The following HSD17B11 variants were observed in gnomAD, a reference collection of about 807,000 sequenced individuals.
The protein encoded by HSD17B11 is hydroxysteroid 17-beta dehydrogenase 11, also known as estradiol 17-beta-dehydrogenase 11.
A neutral mutation model predicts 27.8 loss-of-function variants in HSD17B11; 22 were observed. That is an observed-to-expected ratio of 0.79 (90% CI 0.56 to 1.13). The LOEUF (loss-of-function observed/expected upper bound fraction) is 1.13, where lower values mean the gene tolerates loss of function less well. Ranked by LOEUF, HSD17B11 falls within the 50% of genes most tolerant of loss-of-function variation. HSD17B11 has a pLI of 0.00. For synonymous variants in HSD17B11, 117 were observed against 132.8 expected (o/e 0.88, Z 0.82); for missense variants, 314 against 351.1 (o/e 0.89, Z 0.84).
chr4:87,363,315 C>G lies in HSD17B11; in HGVS notation c.558-5899G>C, dbSNP rs902416197. Among the ~76,000 whole-genome samples, 4 of 152,148 alleles carry G rather than the reference C, an allele frequency of 2.6e-5. No individual in the cohort carries two copies. In the East Asian group the frequency reaches 7.7e-4, roughly 29 times the overall value. The stretch of plus-strand genomic sequence containing the variant: ...ACAGTTGAATGAATGGAAAAAAAAT[C>G]AGTGTTTATCACCTCTGTAAAGACT... On this transcript the variant is annotated intron_variant, in intron 4 of 6. Transcript: ENST00000358290.
chr4:87,337,856 G>A (rs12649023), intron 6 of HSD17B11, among the ~76,000 whole-genome samples: 130,418 of 152,252 alleles, frequency 0.86, 56,364 homozygotes, highest in African/African-American at 0.96. Context: ...AATTCCTCAC[G>A]TGTAAATGGA....
chr4:87,385,127 T>C (rs962149368), intron 1 of HSD17B11, among the ~76,000 whole-genome samples: 1 of 152,210 alleles, frequency 6.6e-6, no homozygotes, highest in African/African-American at 2.4e-5. Context: ...CTCTTATTCC[T>C]CAAGGGACAT....
intron 4 of HSD17B11, among the ~76,000 whole-genome samples, chr4:87,363,586 C>T (rs996347413): frequency 6.6e-6 from 1 of 152,202 alleles, no homozygotes; most frequent in South Asian, 2.1e-4. Context: ...ACCTTTTAAC[C>T]GCATGGCAGT....
In HSD17B11 at chr4:87,391,097, GTGTT is replaced by G. The variant is rs1560774387; in HGVS notation, c.-31_-28del. Reference sequence around the variant, plus strand: ...CCTTTTGTGGCTGCGAGCGTTTGGTGTGTTTTTTTTTTTTTTTACCACTCTAAAC... The same window carrying G: ...CCTTTTGTGGCTGCGAGCGTTTGGTGTTTTTTTTTTTTTACCACTCTAAAC... On this transcript the variant is annotated 5_prime_UTR_variant, in exon 1 of 7. Transcript: ENST00000358290. The G allele has an allele frequency of 6.9e-7, 1 of 1,449,144 alleles. No homozygotes were observed. The highest frequency in any genetic ancestry group is 1.8e-5 in the African/African-American group (1 of 57,142). The allele number at this position is 1,449,144 out of a possible 1,614,324, so 89.8% of individuals were successfully genotyped here.
intron 1 of HSD17B11, among the ~76,000 whole-genome samples, chr4:87,386,255 T>G (rs1227530246): frequency 1.3e-5 from 2 of 151,468 alleles, no homozygotes; most frequent in African/African-American, 4.9e-5. Flanking sequence ...CAGCCTGGAG[T>G]GCAATGGTGC....
At position 87,353,023 on chromosome 4, in the gene HSD17B11, C is replaced by T. The variant is rs1735315145; in HGVS notation, c.695+4256G>A. Among the ~76,000 whole-genome samples the T allele has an allele frequency of 3.5e-5, 4 of 112,870 alleles. 1 individual carries two copies. The highest frequency in any genetic ancestry group is 1.8e-4 in the African/African-American group (4 of 22,556). The allele number at this position is 112,870 out of a possible 152,430, so 74.0% of individuals were successfully genotyped here. On this transcript the variant is annotated intron_variant, in intron 5 of 6. Transcript: ENST00000358290. ...ACACTGGCCTGCGCCCACTGTCTGG[C>T]ACTCCCTAGTGAGATGAACCCGGTA...
intron 4 of HSD17B11, among the ~76,000 whole-genome samples, chr4:87,367,109 CT>C (rs1360753467): frequency 6.6e-6 from 1 of 152,202 alleles, no homozygotes; most frequent in African/African-American, 2.4e-5. Flanking sequence ...GTATTCTTAA[CT>C]TATGGCAATA....
chr4:87,352,895 C>T (rs113239639), intron 5 of HSD17B11, among the ~76,000 whole-genome samples: 10,183 of 73,778 alleles, frequency 0.14, 1,228 homozygotes, highest in East Asian at 0.3. Context: ...CAGGTGCGTC[C>T]GTCACCCCTT....
chr4:87,347,116 C>CTTTTTT (rs70957224), intron 5 of HSD17B11, among the ~76,000 whole-genome samples: 297 of 44,266 alleles, frequency 6.7e-3, no homozygotes, highest in Middle Eastern at 0.014. Flanking sequence ...TTTTTTTTTT[C>CTTTTTT]TTTTTTTTTT....
At chr4:87,383,253 G>A (rs1720220214) in intron 1 of HSD17B11, among the ~76,000 whole-genome samples, 1 of 151,992 alleles carries the variant, frequency 6.6e-6, no homozygotes, top group African/African-American at 2.4e-5. Context: ...GTCATATTAA[G>A]ATTTATCAAA....
intron 4 of HSD17B11, 82 bp from the exon 5 acceptor site, chr4:87,357,498 G>A: frequency 7.6e-7 from 1 of 1,316,772 alleles, no homozygotes; most frequent in Non-Finnish European, 1.0e-6. Context: ...GTCCTCTGCA[G>A]AGCAATGTGG....
intron 4 of HSD17B11, among the ~76,000 whole-genome samples, chr4:87,370,731 A>AAC (rs376028397): frequency 6.6e-3 from 75 of 11,312 alleles, no homozygotes; most frequent in African/African-American, 0.012. Context: ...TATTATTATT[A>AAC]TTATTATTAT....
At chr4:87,370,007 T>C (rs1014934075) in intron 4 of HSD17B11, among the ~76,000 whole-genome samples, 2 of 152,206 alleles carry the variant, frequency 1.3e-5, no homozygotes, top group Non-Finnish European at 2.9e-5. Context: ...ATATTAATCA[T>C]TAAAACTGTT....
intron 5 of HSD17B11, among the ~76,000 whole-genome samples, chr4:87,341,424 G>C (rs928189554): frequency 1.3e-5 from 2 of 152,112 alleles, no homozygotes; most frequent in African/African-American, 4.8e-5. Context: ...CGCCAGCCTC[G>C]GCCTCCCAAA....
chr4:87,372,505 C>G (rs557064893), intron 4 of HSD17B11, among the ~76,000 whole-genome samples: 18 of 152,206 alleles, frequency 1.2e-4, no homozygotes, highest in African/African-American at 4.3e-4. Flanking sequence ...GCAGGGTCCT[C>G]TAGAAGGGGA....
rs548410332 is a variant in HSD17B11, at chr4:87,364,919, A to C, written c.558-7503T>G. On this transcript the variant is annotated intron_variant, in intron 4 of 6. Coordinates refer to ENST00000358290, the MANE Select transcript of HSD17B11 (RefSeq NM_016245.5). ...CGAGGTGGCTCATGCCTGTAATCCC[A>C]GCACTTTGGGAGGCTGAGGTGGGCG... 2.1e-3 allele frequency among the ~76,000 whole-genome samples: 320 copies of C among 152,384 alleles called. 1 individual carries two copies. The highest frequency in any genetic ancestry group is 7.3e-3 in the African/African-American group (302 of 41,598).
In HSD17B11 at chr4:87,337,397, A is replaced by G. The variant is rs141325794; in HGVS notation, c.813-31T>C. 6 of 1,240,166 alleles carry G rather than the reference A, an allele frequency of 4.8e-6. No individual in the cohort carries two copies. The East Asian group carries it at 1.4e-4, about 29-fold the overall frequency. The allele number at this position is 1,240,166 out of a possible 1,614,324, so 76.8% of individuals were successfully genotyped here. ...AGAAAGATATATGCAAATAATTAGA[A>G]AATTAATATTAAGTGCATTTGTAGA... On this transcript the variant is annotated intron_variant, in intron 6 of 6. Transcript: ENST00000358290.
At chr4:87,377,670 G>A (rs1291625152) in intron 2 of HSD17B11, among the ~76,000 whole-genome samples, 9 of 152,022 alleles carry the variant, frequency 5.9e-5, no homozygotes, top group Admixed American at 5.2e-4. Context: ...AGATTTTTAT[G>A]GTTCCATAAG....
chr4:87,363,554 G>T (rs923895055), intron 4 of HSD17B11, among the ~76,000 whole-genome samples: 3 of 152,288 alleles, frequency 2.0e-5, no homozygotes, highest in South Asian at 2.1e-4. Flanking sequence ...TCTCCACCTT[G>T]TTTTATGTGC....
Sources: gnomAD v4.1 joint callset for allele counts (sites outside exome capture counted in the v4.1 genomes callset) on GRCh38, gnomAD v4.1.1 for gene constraint, MANE v1.5 for transcripts, NCBI Gene and HGNC (gene_info 2026-07-23, HGNC 2026-07-21) for gene names.